The following RAI1 variants were observed in gnomAD, a reference collection of about 807,000 sequenced individuals.
RAI1 encodes the protein retinoic acid induced 1, also known as retinoic acid-induced protein 1.
Under a neutral mutation model 123.8 loss-of-function variants are expected in RAI1, and 9 were observed. The ratio of observed to expected loss-of-function variants is 0.07; its 90% CI spans 0.04 to 0.13. The LOEUF is 0.13. Ranked by LOEUF, RAI1 falls within the 10% of genes least tolerant of loss-of-function variation. The probability of loss-of-function intolerance (pLI) is 1.00; values close to 1 mark genes in which losing one functional copy is unlikely to be tolerated. For synonymous variants in RAI1, 1,231 were observed against 1,127.3 expected (o/e 1.09, Z -1.84); for missense variants, 2,256 against 2,545.8 (o/e 0.89, Z 2.45).
chr17:17,787,764 C>CT (rs1567907715), intron 2 of RAI1, among the ~76,000 whole-genome samples: 1 of 152,200 alleles, frequency 6.6e-6, no homozygotes, highest in Non-Finnish European at 1.5e-5. Context: ...ACCTGGGCAC[C>CT]TAGGCAGGGG....
intron 2 of RAI1, among the ~76,000 whole-genome samples, chr17:17,741,352 C>T (rs982446126): frequency 1.3e-5 from 2 of 152,182 alleles, no homozygotes; most frequent in Non-Finnish European, 2.9e-5. Flanking sequence ...AGGGCGGGCT[C>T]GGCCACCTTC....
chr17:17,785,519 T>G (rs1038519882), intron 2 of RAI1, among the ~76,000 whole-genome samples: 5 of 152,174 alleles, frequency 3.3e-5, no homozygotes, highest in African/African-American at 1.2e-4. Flanking sequence ...CCATCAATTA[T>G]GTAATTACCG....
At chr17:17,710,227 G>C (rs1038760427) in intron 1 of RAI1, among the ~76,000 whole-genome samples, 1 of 152,106 alleles carries the variant, frequency 6.6e-6, no homozygotes, top group Non-Finnish European at 1.5e-5. Flanking sequence ...ACCCAGCGGG[G>C]GCTTTAGCCA....
rs1045158591 is a variant in RAI1, at chr17:17,810,312, G to A, written c.*331G>A. On this transcript the variant is annotated 3_prime_UTR_variant, in exon 6 of 6. Coordinates refer to ENST00000353383, the MANE Select transcript of RAI1 (RefSeq NM_030665.4). This position sits in a 1 kb window ranked among gnomAD's most constrained non-coding sequence, Gnocchi z 4.6. Reference sequence around the variant, plus strand: ...GGCGCTCAGCCTCCGGCGAGGGTGGGAGACGGCTTTGTCCTGGGGACACTT... The same window carrying A: ...GGCGCTCAGCCTCCGGCGAGGGTGGAAGACGGCTTTGTCCTGGGGACACTT... 6.9e-6 allele frequency: 3 copies of A among 436,890 alleles called. No individual in the cohort carries two copies. Among genetic ancestry groups the A allele is most frequent in the Admixed American group, 8.3e-5 (2 of 24,002 alleles). 27.1% of individuals were successfully genotyped at this position (436,890 alleles called of 1,614,324 possible).
chr17:17,760,711 C>A (rs560284722), intron 2 of RAI1, among the ~76,000 whole-genome samples: 32 of 152,354 alleles, frequency 2.1e-4, no homozygotes, highest in Admixed American at 5.2e-4. Flanking sequence ...ACGTGTGGAG[C>A]TAAAATAAAA....
In RAI1 at chr17:17,702,464, G is replaced by A. The variant is rs1915252858; in HGVS notation, c.-149+20671G>A. Among the ~76,000 whole-genome samples, 3 of 152,220 alleles carry A rather than the reference G, an allele frequency of 2.0e-5. No individual in the cohort carries two copies. The South Asian group carries it at 6.2e-4, about 31-fold the overall frequency. ...GGGGATAAGCAGTGACCCCATCAGG[G>A]CTAATAGCAGTGGGGCCTGCTGCCC... On this transcript the variant is annotated intron_variant, in intron 1 of 5. Transcript: ENST00000353383.
At chr17:17,803,660 A>T in intron 3 of RAI1, 96 bp from the exon 4 acceptor site, 1 of 1,157,362 alleles carries the variant, frequency 8.6e-7, no homozygotes, top group Non-Finnish European at 1.3e-6. Flanking sequence ...TGCTGGGATT[A>T]CAGGCATGAG....
intron 1 of RAI1, among the ~76,000 whole-genome samples, chr17:17,700,171 C>A (rs556254920): frequency 6.6e-6 from 1 of 152,388 alleles, no homozygotes; most frequent in East Asian, 1.9e-4. Flanking sequence ...TCCTCAGCTG[C>A]TTCTTTGGGA....
chr17:17,799,652 G>A lies in RAI1; in HGVS notation c.5565+1139G>A, dbSNP rs996919800. On this transcript the variant is annotated intron_variant, in intron 3 of 5. Transcript: ENST00000353383. The surrounding 1 kb of genome is among the most constrained non-coding windows in gnomAD (Gnocchi z 4.5). ...CCTTCAACCCACTATGTGCGGCTGA[G>A]GTCACAGGGGAGCCAGAGGGGCTTG... Among the ~76,000 whole-genome samples the A allele has an allele frequency of 2.0e-5, 3 of 152,186 alleles. No individual in the cohort carries two copies. The highest frequency in any genetic ancestry group is 1.3e-4 in the Admixed American group (2 of 15,288).
At position 17,794,050 on chromosome 17, in the gene RAI1, G is replaced by C. The variant is rs1339992253; in HGVS notation, c.1102G>C (p.Glu368Gln). 6.2e-7 allele frequency: 1 copy of C among 1,613,912 alleles called. No homozygotes were observed. The highest frequency in any genetic ancestry group is 8.5e-7 in the Non-Finnish European group (1 of 1,180,012). The change falls in exon 3 of 6, where the codon GAG (glutamate) becomes CAG (glutamine). Residue 368 changes from glutamate (E) to glutamine (Q), a missense_variant. Glu to Gln is a conservative substitution (Grantham distance 29). Around this residue, in one of 7 missense-constraint regions of RAI1, gnomAD observed 357 missense variants for 480.2 expected, o/e 0.74. Transcript: ENST00000353383. ...ACCGTCGCCGCTGATGCCAAACCTG[G>C]AGAACTTTCCCTACAGCCAGCAGCC... Reference protein sequence around the residue: ...STPSPLMPNLENFPYSQQPLS... With the variant: ...STPSPLMPNLQNFPYSQQPLS...
chr17:17,735,119 C>A (rs922221827), intron 2 of RAI1, among the ~76,000 whole-genome samples: 2 of 151,770 alleles, frequency 1.3e-5, no homozygotes, highest in Non-Finnish European at 2.9e-5. Flanking sequence ...ATGGCATGAT[C>A]TCAGCTCACT....
intron 1 of RAI1, among the ~76,000 whole-genome samples, chr17:17,694,588 G>A (rs971784170): frequency 6.6e-6 from 1 of 151,834 alleles, no homozygotes; most frequent in African/African-American, 2.4e-5. Context: ...GCGGCGAGAG[G>A]GCAAATGCCC....
intron 3 of RAI1, among the ~76,000 whole-genome samples, chr17:17,803,025 C>T (rs1461939788): frequency 6.7e-6 from 1 of 148,246 alleles, no homozygotes; most frequent in Non-Finnish European, 1.5e-5. Flanking sequence ...CAGCGGTTGC[C>T]GTGAGCGGAG....
chr17:17,752,390 G>A (rs114473140), intron 2 of RAI1, among the ~76,000 whole-genome samples: 1,981 of 152,076 alleles, frequency 0.013, 43 homozygotes, highest in African/African-American at 0.043. Flanking sequence ...GGGCCCCCGG[G>A]GCGAGGCTGG....
In RAI1 at chr17:17,809,108, A is replaced by C. The variant is rs984135968; in HGVS notation, c.5660-282A>C. On this transcript the variant is annotated intron_variant, in intron 4 of 5. Transcript: ENST00000353383. This position sits in a 1 kb window ranked among gnomAD's most constrained non-coding sequence, Gnocchi z 4.9. Reference sequence around the variant, plus strand: ...GCGGGAGGGAGGGAGGGACTGAGGGACTGCCTCAAGTGAGGAGGGGCGGCA... The same window carrying C: ...GCGGGAGGGAGGGAGGGACTGAGGGCCTGCCTCAAGTGAGGAGGGGCGGCA... 3 of 527,192 alleles carry C rather than the reference A, an allele frequency of 5.7e-6. No homozygotes were observed. The highest frequency in any genetic ancestry group is 1.9e-5 in the African/African-American group (1 of 52,140). The allele number at this position is 527,192 out of a possible 1,614,324, so 32.7% of individuals were successfully genotyped here. A position where few individuals can be genotyped will look rare whatever the true frequency, so the allele number is the denominator to read the frequency against.
intron 1 of RAI1, among the ~76,000 whole-genome samples, chr17:17,682,764 C>T (rs2142847016): frequency 6.6e-6 from 1 of 152,302 alleles, no homozygotes; most frequent in East Asian, 1.9e-4. Context: ...AGTTTTCTTT[C>T]TTGGGGCTCT....
At chr17:17,750,689 C>CAAAAAAAAAAAAAAAAA (rs57637022) in intron 2 of RAI1, among the ~76,000 whole-genome samples, 3 of 79,752 alleles carry the variant, frequency 3.8e-5, no homozygotes, top group African/African-American at 5.3e-5. Context: ...TACTCCGTCT[C>CAAAAAAAAAAAAAAAAA]AAAAAAAAAA....
intron 2 of RAI1, among the ~76,000 whole-genome samples, chr17:17,737,969 G>A (rs564670579): frequency 3.9e-4 from 60 of 152,152 alleles, no homozygotes; most frequent in African/African-American, 1.4e-3. Flanking sequence ...GGGAGGGGGC[G>A]CCCCCCACCC....
chr17:17,773,748 C>T (rs1349931595), intron 2 of RAI1, among the ~76,000 whole-genome samples: 3 of 152,114 alleles, frequency 2.0e-5, no homozygotes, highest in Non-Finnish European at 2.9e-5. Context: ...CTGCTGCAGC[C>T]CCTGCCACAG....
Sources: gnomAD v4.1 joint callset for allele counts (sites outside exome capture counted in the v4.1 genomes callset) on GRCh38, gnomAD v4.1.1 for gene constraint, gnomAD v4.1.1 regional missense constraint, Gnocchi (gnomAD v3.1) non-coding constraint, MANE v1.5 for transcripts, NCBI Gene and HGNC (gene_info 2026-07-23, HGNC 2026-07-21) for gene names.